DHX57: variants seen among roughly 807,000 people sequenced by gnomAD.
DHX57 encodes DExH-box helicase 57.
Under a neutral mutation model 156.2 loss-of-function variants are expected in DHX57, and 105 were observed. The observed-to-expected ratio is 0.67, with a 90% confidence interval of 0.57 to 0.79. DHX57 has a LOEUF of 0.79. Ranked by LOEUF, DHX57 falls within the 30% of genes least tolerant of loss-of-function variation. DHX57 has a pLI of 0.00. For synonymous variants in DHX57, 704 were observed against 595.6 expected, an observed-to-expected ratio of 1.18 and a Z score of -2.65; for missense variants, 1,847 against 1,661.9, an observed-to-expected ratio of 1.11 and a Z score of -1.94.
intron 1 of DHX57, among the ~76,000 whole-genome samples, chr2:38,870,773 G>C (rs1485318399): frequency 1.3e-5 from 2 of 151,970 alleles, no homozygotes; most frequent in Non-Finnish European, 2.9e-5. Context: ...CAGCTGCTTC[G>C]GAGGCTGAGG....
chr2:38,826,556 C>A lies in DHX57; in HGVS notation c.2773G>T (p.Val925Phe). The A allele has an allele frequency of 6.2e-7, 1 of 1,614,102 alleles. No homozygotes were observed. Among genetic ancestry groups the A allele is most frequent in the Non-Finnish European group, 8.5e-7 (1 of 1,180,010 alleles). Reference protein sequence around the residue: ...IAETSITIDDVVYVIDSGKMK... With the variant: ...IAETSITIDDFVYVIDSGKMK... The stretch of plus-strand genomic sequence containing the variant: ...TTCCCAGAATCGATAACATAGACAA[C>A]ATCATCGATGGTTATGGATGTCTCA... Residue 925 changes from valine to phenylalanine, a missense_variant, in exon 15 of 24, where the codon GTT (valine) becomes TTT (phenylalanine). Coordinates refer to ENST00000457308, the MANE Select transcript of DHX57 (RefSeq NM_198963.3).
intron 2 of DHX57, 103 bp from the exon 3 acceptor site, chr2:38,863,622 A>G (rs1468785062): frequency 9.5e-7 from 1 of 1,048,458 alleles, no homozygotes; most frequent in Non-Finnish European, 1.4e-6. Context: ...TGGATTGTCA[A>G]GTATCTTACA....
chr2:38,823,185 A>C lies in DHX57; in HGVS notation c.3099T>G (p.Leu1033=), dbSNP rs377522656. 1 of 1,614,216 alleles carries C rather than the reference A, an allele frequency of 6.2e-7. No homozygotes were observed. Residue 1033 remains leucine (L), a synonymous_variant, in exon 17 of 24, where the codon CTT becomes CTG. Transcript: ENST00000457308. ...RLIEPPHTDS[L]RASKIRLRDL... is the part of the protein sequence containing the mutation. ...CTCGTAATCGTATTTTTGAGGCACG[A>C]AGAGAATCGGTGTGTGGAGGTTCAA...
intron 23 of DHX57, among the ~76,000 whole-genome samples, chr2:38,799,331 A>G (rs1263899968): frequency 6.6e-6 from 1 of 151,080 alleles, no homozygotes; most frequent in Non-Finnish European, 1.5e-5. Context: ...GCGCCATTGC[A>G]CTCTAGCCTG....
At chr2:38,834,673 C>T (rs1213400599) in intron 13 of DHX57, among the ~76,000 whole-genome samples, 1 of 152,048 alleles carries the variant, frequency 6.6e-6, no homozygotes. Context: ...TAAGTACTCC[C>T]GAGAAGCAGA....
chr2:38,826,136 C>T (rs1424939027), intron 15 of DHX57, 89 bp from the exon 16 acceptor site: 6 of 1,348,058 alleles, frequency 4.5e-6, no homozygotes, highest in African/African-American at 2.9e-5. Flanking sequence ...GAACCAGCTT[C>T]CTCCTGTAGA....
intron 7 of DHX57, 158 bp from the exon 8 acceptor site, chr2:38,855,410 A>T: frequency 1.3e-6 from 1 of 763,064 alleles, no homozygotes; most frequent in Non-Finnish European, 2.2e-6. Flanking sequence ...TATTACCAAG[A>T]GGTGGGAAAT....
At chr2:38,810,420 C>T (rs1670179720) in intron 21 of DHX57, 1 of 518,956 alleles carries the variant, frequency 1.9e-6, no homozygotes, top group Non-Finnish European at 3.8e-6. Flanking sequence ...CCTAGCTCCC[C>T]ATTGTACAGG....
At chr2:38,865,331 G>A (rs997127884) in intron 2 of DHX57, among the ~76,000 whole-genome samples, 3 of 152,088 alleles carry the variant, frequency 2.0e-5, no homozygotes, top group East Asian at 1.9e-4. Flanking sequence ...AACTTCTCAC[G>A]AGATCTGATG....
intron 9 of DHX57, among the ~76,000 whole-genome samples, chr2:38,852,122 T>C (rs1266493811): frequency 2.0e-5 from 3 of 151,964 alleles, no homozygotes; most frequent in African/African-American, 7.2e-5. Flanking sequence ...ATATTTCTTA[T>C]TTACTAATAA....
chr2:38,864,916 A>G (rs1664987195), intron 2 of DHX57, among the ~76,000 whole-genome samples: 1 of 152,148 alleles, frequency 6.6e-6, no homozygotes, highest in South Asian at 2.1e-4. Context: ...AATGCAGTGG[A>G]CAATTCTTAG....
intron 23 of DHX57, among the ~76,000 whole-genome samples, chr2:38,800,753 C>T (rs373799570): frequency 2.6e-5 from 4 of 152,284 alleles, no homozygotes; most frequent in Non-Finnish European, 4.4e-5. Flanking sequence ...AGGTTAACCA[C>T]GTTTTTGTCA....
At chr2:38,860,886 G>A in intron 5 of DHX57, 113 bp downstream of exon 5, 3 of 865,704 alleles carry the variant, frequency 3.5e-6, no homozygotes, top group Non-Finnish European at 5.3e-6. Flanking sequence ...GGACTTAATG[G>A]CTTGTTCAGC....
chr2:38,869,731 T>A (rs3099940), intron 1 of DHX57, among the ~76,000 whole-genome samples: 35,408 of 152,100 alleles, frequency 0.23, 4,848 homozygotes, highest in Admixed American at 0.3. Context: ...GGAGAATCAG[T>A]ACCCAGAGTT....
intron 5 of DHX57, among the ~76,000 whole-genome samples, chr2:38,860,518 G>A (rs528642163): frequency 9.9e-5 from 15 of 152,236 alleles, no homozygotes; most frequent in African/African-American, 3.4e-4. Flanking sequence ...GCCTGCACAA[G>A]TATTTGAGGA....
intron 19 of DHX57, among the ~76,000 whole-genome samples, chr2:38,818,642 C>T (rs754802131): frequency 2.6e-5 from 4 of 152,150 alleles, no homozygotes; most frequent in Non-Finnish European, 5.9e-5. Flanking sequence ...ACCCTATCTT[C>T]CGCATAAGTA....
intron 9 of DHX57, 166 bp downstream of exon 9, chr2:38,853,888 G>C: frequency 1.7e-6 from 1 of 576,784 alleles, no homozygotes; most frequent in Non-Finnish European, 3.0e-6. Context: ...TAGTGTTACA[G>C]ACCCTGGAGA....
In DHX57 at chr2:38,802,713, AC is replaced by A; in HGVS notation, c.4017+1del. 6.2e-7 allele frequency: 1 copy of A among 1,613,934 alleles called. No individual in the cohort carries two copies. Among genetic ancestry groups the A allele is most frequent in the Non-Finnish European group, 8.5e-7 (1 of 1,180,006 alleles). On this transcript the variant is annotated splice_donor_variant, in intron 23 of 23. Transcript: ENST00000457308. LOFTEE classifies it high-confidence loss of function. ...CATAAAACAGACCAATTCTGCCTTT[AC>A]CTGATGGGAAGCAGCTACAAAACGG... is the stretch of plus-strand genomic sequence containing the variant.
At chr2:38,811,017 G>A (rs1670216814) in intron 21 of DHX57, 3 of 713,574 alleles carry the variant, frequency 4.2e-6, no homozygotes, top group South Asian at 4.0e-5. Flanking sequence ...AAAATGTTGG[G>A]GGTGTTGGGG....
Sources: gnomAD v4.1 joint callset for allele counts (sites outside exome capture counted in the v4.1 genomes callset) on GRCh38, gnomAD v4.1.1 for gene constraint, MANE v1.5 for transcripts, NCBI Gene and HGNC (gene_info 2026-07-23, HGNC 2026-07-21) for gene names.